Variants in PLCB2 observed in about 807,000 individuals in gnomAD.
PLCB2 encodes 1-phosphatidylinositol 4,5-bisphosphate phosphodiesterase beta-2.
PLCB2 carries 115 observed loss-of-function variants against 141.7 expected under a neutral mutation model. The ratio of observed to expected loss-of-function variants is 0.81; its 90% CI spans 0.70 to 0.95. PLCB2 has a LOEUF of 0.95. Among genes scored for constraint, PLCB2 ranks in the 40% least tolerant of loss-of-function variants. The pLI is 0.00. For synonymous variants in PLCB2, 603 were observed against 595.6 expected (o/e 1.01, Z -0.18); for missense variants, 1,403 against 1,541.1 (o/e 0.91, Z 1.50).
chr15:40,294,287 C>T lies in PLCB2; in HGVS notation c.2040G>A (p.Val680=), dbSNP rs373578366. The change falls in exon 19 of 32, where the codon GTG becomes GTA. Residue 680 remains valine (V), a synonymous_variant. Transcript: ENST00000260402. ...TTGCCGTAATGGAAAGGGTGGTGGC[C>T]ACCACCACGTCGATGCGGTCCACTG... The part of the protein sequence containing the change: ...PFSVDRIDVV[V]ATTLSITVIS... The T allele has an allele frequency of 6.2e-7, 1 of 1,613,826 alleles. No individual in the cohort carries two copies. Among genetic ancestry groups the T allele is most frequent in the Non-Finnish European group, 8.5e-7 (1 of 1,180,018 alleles).
chr15:40,291,112 C>T lies in PLCB2; in HGVS notation c.2942G>A (p.Arg981Gln), dbSNP rs748328477. The change falls in exon 27 of 32, where the codon CGG (arginine) becomes CAG (glutamine). Residue 981 changes from arginine (R) to glutamine (Q), a missense_variant. By Grantham distance (43) the Arg-to-Gln change is conservative (BLOSUM62 1). Coordinates refer to ENST00000260402, the MANE Select transcript of PLCB2 (RefSeq NM_004573.3). ...EGPEGVDGRVRELKDRLELEL... is the reference protein window; with the variant it reads ...EGPEGVDGRVQELKDRLELEL... ...CAGCTCCAGCCTGTCTTTCAGCTCC[C>T]GCACGCGCCCGTCCACGCCCTCAGG... The T allele has an allele frequency of 3.0e-5, 47 of 1,580,652 alleles. No individual in the cohort carries two copies. The highest frequency in any genetic ancestry group is 3.8e-5 in the Non-Finnish European group (44 of 1,171,442).
chr15:40,301,379 T>A (rs1324563714), intron 7 of PLCB2: 1 of 599,544 alleles, frequency 1.7e-6, no homozygotes. Context: ...AGAGGGCTCC[T>A]TTTTGTAATT....
At chr15:40,289,022 G>A in intron 31 of PLCB2, 104 bp from the exon 32 acceptor site, 1 of 1,487,600 alleles carries the variant, frequency 6.7e-7, no homozygotes, top group Non-Finnish European at 8.9e-7. Context: ...CATGTTCGGA[G>A]CTCCCAGGAG....
At chr15:40,294,811 G>T in intron 18 of PLCB2, 125 bp downstream of exon 18, 3 of 1,204,062 alleles carry the variant, frequency 2.5e-6, no homozygotes, top group Non-Finnish European at 3.5e-6. Flanking sequence ...ACGCACCTGG[G>T]CATGCTCCCA....
rs1170348655 is a variant in PLCB2, at chr15:40,295,056, T to C, written c.1786A>G (p.Asn596Asp). ...SKASVQFVDY[N>D]KRQMSRIYPK... ...TAAATGCGGCTCATCTGGCGCTTGT[T>C]GTAGCTGTCCCTGAGTTTAGGACCC... is the stretch of plus-strand genomic sequence containing the variant. Residue 596 changes from asparagine to aspartate, a missense_variant, in exon 18 of 32, where the codon AAC (asparagine) becomes GAC (aspartate). Physicochemically the swap from Asn to Asp is conservative, Grantham distance 23 (BLOSUM62 1). Coordinates refer to ENST00000260402, the MANE Select transcript of PLCB2 (RefSeq NM_004573.3). 1.2e-6 allele frequency: 2 copies of C among 1,612,476 alleles called. No individual in the cohort carries two copies. The highest frequency in any genetic ancestry group is 1.3e-5 in the African/African-American group (1 of 74,834).
At position 40,291,921 on chromosome 15, in the gene PLCB2, G is replaced by A; in HGVS notation, c.2530C>T (p.Pro844Ser). The A allele has an allele frequency of 1.2e-6, 2 of 1,614,140 alleles. No individual in the cohort carries two copies. Among genetic ancestry groups the A allele is most frequent in the Non-Finnish European group, 1.7e-6 (2 of 1,179,988 alleles). The change falls in exon 24 of 32, where the codon CCC (proline) becomes TCC (serine). Residue 844 changes from proline (P) to serine (S), a missense_variant. Physicochemically the swap from Pro to Ser is moderately conservative, Grantham distance 74. Transcript: ENST00000260402. The stretch of plus-strand genomic sequence containing the variant: ...GCAACTGGACTCGCCAGTGGGAAGG[G>A]CTTCTGTGTAGGGAGAGCAGGTCAG... ...KEAMGGLPEKPFPLASPVASQ... is the reference protein window; with the variant it reads ...KEAMGGLPEKSFPLASPVASQ...
intron 21 of PLCB2, 46 bp downstream of exon 21, chr15:40,292,880 G>C (rs768386040): frequency 7.7e-7 from 1 of 1,295,974 alleles, no homozygotes; most frequent in Non-Finnish European, 1.1e-6. Flanking sequence ...CCTGTGCACA[G>C]GCTCCTGCTG....
chr15:40,298,256 A>G lies in PLCB2; in HGVS notation c.1122T>C (p.His374=). 1 of 1,584,438 alleles carries G rather than the reference A, an allele frequency of 6.3e-7. No homozygotes were observed. The highest frequency in any genetic ancestry group is 1.1e-5 in the South Asian group (1 of 87,014). ...KPPDEEPIIT[H]GFTMTTDIFF... ...AGATGTCTGTGGTCATGGTGAAGCCATGGGTGATAATGGGCTCCTCGTCAG... is the reference window on the plus strand; with the variant it reads ...AGATGTCTGTGGTCATGGTGAAGCCGTGGGTGATAATGGGCTCCTCGTCAG... Residue 374 remains histidine, a synonymous_variant, in exon 11 of 32, where the codon CAT becomes CAC. Transcript: ENST00000260402.
chr15:40,295,347 C>T, intron 16 of PLCB2, 62 bp from the exon 17 acceptor site: 1 of 1,184,660 alleles, frequency 8.4e-7, no homozygotes, highest in Non-Finnish European at 1.3e-6. Context: ...TCAGTCTTGG[C>T]CTCCCCTTTG....
intron 24 of PLCB2, 31 bp from the exon 25 acceptor site, chr15:40,291,681 G>A: frequency 6.2e-6 from 10 of 1,610,646 alleles, no homozygotes; most frequent in Non-Finnish European, 8.5e-6. Context: ...GCTGTCAGGT[G>A]CTCTGGGGGG....
intron 2 of PLCB2, 43 bp from the exon 3 acceptor site, chr15:40,303,399 G>A (rs2040627135): frequency 1.4e-6 from 2 of 1,439,712 alleles, no homozygotes; most frequent in African/African-American, 1.4e-5. Context: ...AAGAAGGGAT[G>A]TGGGACAAAA....
Position 40,288,357 on chromosome 15 carries a change from T to C in PLCB2, c.*358A>G. ...GGTCCAACCCTCCAGGTGAGGAAAC[T>C]GAGCCCAGAGCTGGTTGCTCAATAG... On this transcript the variant is annotated 3_prime_UTR_variant, in exon 32 of 32. Transcript: ENST00000260402. The C allele has an allele frequency of 9.7e-7, 1 of 1,027,024 alleles. No individual in the cohort carries two copies. Among genetic ancestry groups the C allele is most frequent in the Non-Finnish European group, 1.2e-6 (1 of 857,088 alleles). 63.6% of individuals were successfully genotyped at this position (1,027,024 alleles called of 1,614,324 possible).
chr15:40,306,907 C>T (rs957185531), intron 1 of PLCB2, among the ~76,000 whole-genome samples: 1 of 152,244 alleles, frequency 6.6e-6, no homozygotes, highest in African/African-American at 2.4e-5. Context: ...GAACCAGAGC[C>T]TGGGAGCAGC....
chr15:40,307,652 G>T lies in PLCB2; in HGVS notation c.21C>A (p.Val7=). 6.3e-7 allele frequency: 1 copy of T among 1,577,978 alleles called. No individual in the cohort carries two copies. The highest frequency in any genetic ancestry group is 1.8e-5 in the Admixed American group (1 of 55,774). The change falls in exon 1 of 32, where the codon GTC becomes GTA. Residue 7 remains valine, a synonymous_variant. Transcript: ENST00000260402. The stretch of plus-strand genomic sequence containing the variant: ...AGGCCTTCACCTTGGGGGGCAGCAG[G>T]ACAGGGTTGAGCAGAGACATGGTGC... MSLLNP[V]LLPPKVKAYL...
Position 40,303,549 on chromosome 15 carries a change from T to A in PLCB2, c.163-193A>T, listed in dbSNP as rs543270322. Among the ~76,000 whole-genome samples the A allele has an allele frequency of 9.2e-5, 14 of 152,170 alleles. No homozygotes were observed. The South Asian group carries it at 2.7e-3, about 29-fold the overall frequency. On this transcript the variant is annotated intron_variant, in intron 2 of 31. Transcript: ENST00000260402. ...CTTCCTATGGCCCAGGTTCTCTCTATTCATGCAGATCCTCCTCCCTTTCCC... is the reference window on the plus strand; with the variant it reads ...CTTCCTATGGCCCAGGTTCTCTCTAATCATGCAGATCCTCCTCCCTTTCCC...
chr15:40,288,776 G>A lies in PLCB2; in HGVS notation c.3497C>T (p.Pro1166Leu). ...GAGTGGGTCCTGCTCACACAGCTCT[G>A]GGGGGCACTCGCAGGCCCTCTCAGG... ...DKPERACECP[P>L]ELCEQDPLIA... The change falls in exon 32 of 32, where the codon CCA (proline) becomes CTA (leucine). Residue 1166 changes from proline (P) to leucine (L), a missense_variant. Transcript: ENST00000260402. 1 of 1,613,716 alleles carries A rather than the reference G, an allele frequency of 6.2e-7. No individual in the cohort carries two copies. Among genetic ancestry groups the A allele is most frequent in the Non-Finnish European group, 8.5e-7 (1 of 1,179,722 alleles).
chr15:40,291,407 G>T lies in PLCB2; in HGVS notation c.2728C>A (p.Arg910=). 3.3e-6 allele frequency: 5 copies of T among 1,536,652 alleles called. No individual in the cohort carries two copies. Among genetic ancestry groups the T allele is most frequent in the Non-Finnish European group, 4.4e-6 (5 of 1,146,770 alleles). ...KLQRRHEKEL[R]ELERRGARRW... is the part of the protein sequence containing the mutation. The stretch of plus-strand genomic sequence containing the variant: ...CGCGCTCCGCGCCGCTCCAACTCTC[G>T]CAGCTCCTTCTCGTGCCGCCGCTGC... Residue 910 remains arginine, a synonymous_variant, in exon 26 of 32, where the codon CGA becomes AGA. Transcript: ENST00000260402.
chr15:40,291,355 C>T lies in PLCB2; in HGVS notation c.2780G>A (p.Gly927Asp), dbSNP rs1229154663. 2 of 1,525,350 alleles carry T rather than the reference C, an allele frequency of 1.3e-6. No homozygotes were observed. The highest frequency in any genetic ancestry group is 1.7e-6 in the Non-Finnish European group (2 of 1,143,098). 94.5% of individuals were successfully genotyped at this position (1,525,350 alleles called of 1,614,324 possible). Residue 927 changes from glycine (G) to aspartate (D), a missense_variant, in exon 26 of 32, where the codon GGC (glycine) becomes GAC (aspartate). By Grantham distance (94) the Gly-to-Asp change is moderately conservative. Around this residue, in one of 4 missense-constraint regions of PLCB2, gnomAD observed 290 missense variants for 245.9 expected, o/e 1.18. Coordinates refer to ENST00000260402, the MANE Select transcript of PLCB2 (RefSeq NM_004573.3). ...CCCGAGCTCCGCCAGCTGCGCCGCG[C>T]CCCGCTGCAGCAGCTCCTCCCAGCG... is the stretch of plus-strand genomic sequence containing the variant. ...ARRWEELLQRGAAQLAELGPP... is the reference protein window; with the variant it reads ...ARRWEELLQRDAAQLAELGPP...
rs2040297180 is a variant in PLCB2, at chr15:40,297,704, G to A, written c.1239-99C>T. ...GATGACCCAGATCAGGGGCCAGGAG[G>A]TCAGGGAGGCTGGGACTCGAGCAGG... On this transcript the variant is annotated intron_variant, in intron 12 of 31. Coordinates refer to ENST00000260402, the MANE Select transcript of PLCB2 (RefSeq NM_004573.3). The surrounding 1 kb of genome is among the most constrained non-coding windows in gnomAD (Gnocchi z 4.2). 1 of 1,078,162 alleles carries A rather than the reference G, an allele frequency of 9.3e-7. No homozygotes were observed. 66.8% of individuals were successfully genotyped at this position (1,078,162 alleles called of 1,614,324 possible). A position where few individuals can be genotyped will look rare whatever the true frequency, so the allele number is the denominator to read the frequency against.
Sources: gnomAD v4.1 joint callset for allele counts (sites outside exome capture counted in the v4.1 genomes callset) on GRCh38, gnomAD v4.1.1 for gene constraint, gnomAD v4.1.1 regional missense constraint, Gnocchi (gnomAD v3.1) non-coding constraint, MANE v1.5 for transcripts, NCBI Gene and HGNC (gene_info 2026-07-23, HGNC 2026-07-21) for gene names.